TRDN: variants seen among roughly 807,000 people sequenced by gnomAD.
The protein encoded by TRDN is triadin in skeletal muscle.
Under a neutral mutation model 149.7 loss-of-function variants are expected in TRDN, and 161 were observed. The ratio of observed to expected loss-of-function variants is 1.08; its 90% CI spans 0.95 to 1.23. The LOEUF is 1.23. Among genes scored for constraint, TRDN ranks in the 50% most tolerant of loss-of-function variants. The pLI is 0.00. For missense variants in TRDN, 896 were observed against 823.5 expected, an observed-to-expected ratio of 1.09 and a Z score of -1.08; for synonymous variants, 294 against 250.5, an observed-to-expected ratio of 1.17 and a Z score of -1.64.
At chr6:123,408,697 T>G (rs1773302319) in intron 12 of TRDN, among the ~76,000 whole-genome samples, 1 of 147,558 alleles carries the variant, frequency 6.8e-6, no homozygotes. Flanking sequence ...AAAAAAGAAT[T>G]GTTTGGCAAC....
chr6:123,336,984 T>G (rs779903393), intron 22 of TRDN, among the ~76,000 whole-genome samples: 12 of 151,972 alleles, frequency 7.9e-5, no homozygotes, highest in Non-Finnish European at 1.5e-4. Context: ...TGGACATTAT[T>G]CTTAGGATCA....
chr6:123,548,533 A>T lies in TRDN; in HGVS notation c.312T>A (p.Tyr104Ter). The change falls in exon 3 of 41, where the codon TAT becomes TAA. Residue 104 changes from tyrosine (Y) to a stop codon, truncating the protein, a stop_gained. Transcript: ENST00000334268. LOFTEE classifies it high-confidence loss of function. ...DAMEETTDWIYGFFSLLSDII... is the reference protein window; with the variant it reads ...DAMEETTDWI ...TGTCAGATAACAAAGAAAAGAAGCCATAGATCCAGTCCGTGGTTTCCTCCA... is the reference window on the plus strand; with the variant it reads ...TGTCAGATAACAAAGAAAAGAAGCCTTAGATCCAGTCCGTGGTTTCCTCCA... 4 of 1,579,694 alleles carry T rather than the reference A, an allele frequency of 2.5e-6. No individual in the cohort carries two copies. Among genetic ancestry groups the T allele is most frequent in the Non-Finnish European group, 3.4e-6 (4 of 1,161,194 alleles).
At chr6:123,382,756 C>T (rs1170787149) in intron 14 of TRDN, among the ~76,000 whole-genome samples, 2 of 151,812 alleles carry the variant, frequency 1.3e-5, no homozygotes, top group Non-Finnish European at 2.9e-5. Context: ...CAAAAGACAT[C>T]GATTTCATTT....
intron 10 of TRDN, among the ~76,000 whole-genome samples, chr6:123,447,771 C>CAA (rs570554964): frequency 5.9e-5 from 6 of 101,252 alleles, no homozygotes; most frequent in Admixed American, 1.0e-4. Flanking sequence ...AGATCAGTTT[C>CAA]AAAAAAAAAA....
chr6:123,571,480 G>A (rs1401245509), intron 1 of TRDN, among the ~76,000 whole-genome samples: 1 of 147,216 alleles, frequency 6.8e-6, no homozygotes, highest in Non-Finnish European at 1.5e-5. Flanking sequence ...ATCTAATGAG[G>A]TCATTCATGT....
chr6:123,278,502 A>G (rs904173929), intron 25 of TRDN, among the ~76,000 whole-genome samples, 155 bp from the exon 26 acceptor site: 3 of 152,194 alleles, frequency 2.0e-5, no homozygotes, highest in Admixed American at 6.6e-5. Context: ...TATTAACCAT[A>G]TTCTTATGAT....
At chr6:123,376,882 C>CAT (rs1217035473) in intron 18 of TRDN, among the ~76,000 whole-genome samples, 2 of 151,792 alleles carry the variant, frequency 1.3e-5, no homozygotes, top group African/African-American at 4.8e-5. Context: ...TATGATCACC[C>CAT]ATACACACAC....
At position 123,224,074 on chromosome 6, in the gene TRDN, C is replaced by T. The variant is rs1283469244; in HGVS notation, c.2014+19G>A. On this transcript the variant is annotated intron_variant, in intron 39 of 40. Coordinates refer to ENST00000334268, the MANE Select transcript of TRDN (RefSeq NM_006073.4). ...CTTTGAGAGAAAACTTGTAAATGAT[C>T]CAAAGACAGCAAACTCACCTTTAGC... 19 of 1,606,674 alleles carry T rather than the reference C, an allele frequency of 1.2e-5. No individual in the cohort carries two copies. The highest frequency in any genetic ancestry group is 1.6e-5 in the Non-Finnish European group (19 of 1,176,352).
At chr6:123,296,081 C>A (rs1205117384) in intron 24 of TRDN, among the ~76,000 whole-genome samples, 1 of 152,008 alleles carries the variant, frequency 6.6e-6, no homozygotes, top group Non-Finnish European at 1.5e-5. Flanking sequence ...AAAAATCAAC[C>A]TGAAATGTTG....
intron 1 of TRDN, among the ~76,000 whole-genome samples, chr6:123,571,490 TTTTG>T (rs71767467): frequency 0.2 from 29,796 of 151,238 alleles, 4,153 homozygotes; most frequent in African/African-American, 0.4. Context: ...GTCATTCATG[TTTTG>T]TTTGTTTGTT....
At chr6:123,624,724 GT>G (rs1036978333) in intron 1 of TRDN, among the ~76,000 whole-genome samples, 3 of 152,086 alleles carry the variant, frequency 2.0e-5, no homozygotes, top group Admixed American at 6.6e-5. Flanking sequence ...CTTTCTGACA[GT>G]TGGTATTTTT....
chr6:123,593,987 T>C (rs1310165129), intron 1 of TRDN, among the ~76,000 whole-genome samples: 2 of 152,178 alleles, frequency 1.3e-5, no homozygotes, highest in Non-Finnish European at 2.9e-5. Flanking sequence ...AGCTGAAAAC[T>C]GAAATCATCC....
At chr6:123,633,212 A>G (rs182429432) in intron 1 of TRDN, among the ~76,000 whole-genome samples, 460 of 152,194 alleles carry the variant, frequency 3.0e-3, no homozygotes, top group Non-Finnish European at 4.8e-3. Context: ...GATACATTAC[A>G]TTGCAAGGAA....
At chr6:123,352,304 A>C (rs1780490394) in intron 21 of TRDN, 2 of 985,072 alleles carry the variant, frequency 2.0e-6, no homozygotes, top group Non-Finnish European at 2.4e-6. Flanking sequence ...GTAATTAAAC[A>C]GTTTGGGGAG....
At chr6:123,506,764 A>C (rs1778944142) in intron 7 of TRDN, among the ~76,000 whole-genome samples, 3 of 151,962 alleles carry the variant, frequency 2.0e-5, no homozygotes, top group Admixed American at 1.3e-4. Context: ...GCTGGGATTA[A>C]ATTTCTTCAT....
chr6:123,441,408 C>T (rs1269598219), intron 10 of TRDN, among the ~76,000 whole-genome samples: 1 of 152,054 alleles, frequency 6.6e-6, no homozygotes, highest in Non-Finnish European at 1.5e-5. Flanking sequence ...CATTTAAGCC[C>T]ATTGATGTTC....
chr6:123,226,104 T>C (rs969357630), intron 38 of TRDN, among the ~76,000 whole-genome samples: 2 of 151,816 alleles, frequency 1.3e-5, no homozygotes, highest in African/African-American at 4.8e-5. Context: ...TTTTTTACTA[T>C]ATATTATTAA....
chr6:123,476,677 A>C (rs1359944943), intron 9 of TRDN, among the ~76,000 whole-genome samples: 2 of 147,432 alleles, frequency 1.4e-5, no homozygotes, highest in Admixed American at 6.7e-5. Context: ...AGGCTACAGT[A>C]ACCAAAACAG....
chr6:123,600,723 C>A (rs913152885), intron 1 of TRDN, among the ~76,000 whole-genome samples: 3 of 151,972 alleles, frequency 2.0e-5, no homozygotes, highest in Non-Finnish European at 4.4e-5. Flanking sequence ...GTTGGAGAGG[C>A]AGTAGAACAT....
Sources: gnomAD v4.1 joint callset for allele counts (sites outside exome capture counted in the v4.1 genomes callset) on GRCh38, gnomAD v4.1.1 for gene constraint, MANE v1.5 for transcripts, NCBI Gene and HGNC (gene_info 2026-07-23, HGNC 2026-07-21) for gene names.